Variants in CDH13 observed in about 807,000 individuals in gnomAD.
The protein encoded by CDH13 is cadherin 13, also known as cadherin-13.
A neutral mutation model predicts 63.8 loss-of-function variants in CDH13; 24 were observed. The ratio of observed to expected loss-of-function variants is 0.38; its 90% CI spans 0.27 to 0.53. CDH13 has a LOEUF of 0.53. CDH13 is among the 20% of genes least tolerant of loss of function. CDH13 has a pLI of 0.85. For synonymous variants in CDH13, 503 were observed against 355.3 expected, an observed-to-expected ratio of 1.42 and a Z score of -4.67; for missense variants, 1,049 against 903.1, an observed-to-expected ratio of 1.16 and a Z score of -2.07.
chr16:83,659,826 G>T lies in CDH13; in HGVS notation c.1102-10964G>T, dbSNP rs547865076. Reference sequence around the variant, plus strand: ...TTTTGAGATGGAGTCTCACTCTGTCGCCCAGGCTGGAGTGCAGTGGCATGA... The same window carrying T: ...TTTTGAGATGGAGTCTCACTCTGTCTCCCAGGCTGGAGTGCAGTGGCATGA... On this transcript the variant is annotated intron_variant, in intron 8 of 13. Transcript: ENST00000567109. Among the ~76,000 whole-genome samples the T allele has an allele frequency of 1.7e-4, 23 of 134,074 alleles. No individual in the cohort carries two copies. The Admixed American group carries it at 1.8e-3, about 10-fold the overall frequency. The allele number at this position is 134,074 out of a possible 152,430, so 88.0% of individuals were successfully genotyped here.
intron 10 of CDH13, among the ~76,000 whole-genome samples, chr16:83,738,801 G>A (rs1911782843): frequency 6.6e-6 from 1 of 152,150 alleles, no homozygotes; most frequent in Non-Finnish European, 1.5e-5. Context: ...AGCTACTTGG[G>A]AGCCTAAGGC....
intron 7 of CDH13, among the ~76,000 whole-genome samples, chr16:83,589,235 C>T (rs1906481012): frequency 6.9e-6 from 1 of 144,526 alleles, no homozygotes; most frequent in African/African-American, 2.6e-5. Flanking sequence ...GTCTCCCCAT[C>T]CCCCTCCCTC....
At chr16:82,659,773 G>A (rs1911718634) in intron 1 of CDH13, among the ~76,000 whole-genome samples, 2 of 152,130 alleles carry the variant, frequency 1.3e-5, no homozygotes, top group Non-Finnish European at 2.9e-5. Context: ...TCTCCACCAT[G>A]GCATGGTGGC....
intron 2 of CDH13, among the ~76,000 whole-genome samples, chr16:82,888,711 T>G (rs1287278846): frequency 6.6e-6 from 1 of 152,242 alleles, no homozygotes; most frequent in East Asian, 1.9e-4. Context: ...GATTATTTAT[T>G]GCCTTGGACA....
At chr16:83,662,767 T>G (rs977463138) in intron 8 of CDH13, among the ~76,000 whole-genome samples, 2 of 152,190 alleles carry the variant, frequency 1.3e-5, no homozygotes, top group Non-Finnish European at 2.9e-5. Context: ...TCTTCAGAGT[T>G]GTTTTCCCCA....
chr16:82,715,208 GT>G (rs1159355680), intron 1 of CDH13, among the ~76,000 whole-genome samples: 2 of 151,660 alleles, frequency 1.3e-5, no homozygotes, highest in Non-Finnish European at 2.9e-5. Flanking sequence ...CTTTCTAAAT[GT>G]CCTGAGTATC....
intron 10 of CDH13, among the ~76,000 whole-genome samples, chr16:83,684,445 C>A (rs1904283694): frequency 6.6e-6 from 1 of 152,116 alleles, no homozygotes; most frequent in Non-Finnish European, 1.5e-5. Context: ...CCTTCTCCTA[C>A]AGTGAAATGA....
At chr16:83,653,195 C>T (rs575159957) in intron 8 of CDH13, among the ~76,000 whole-genome samples, 2 of 151,916 alleles carry the variant, frequency 1.3e-5, no homozygotes, top group East Asian at 1.9e-4. Context: ...GGCTTCTGTT[C>T]GAGGTGTTAA....
chr16:83,210,921 A>C (rs767404639), intron 4 of CDH13, among the ~76,000 whole-genome samples: 10 of 151,776 alleles, frequency 6.6e-5, no homozygotes, highest in African/African-American at 2.4e-4. Flanking sequence ...AGGCCGAGGC[A>C]GGCAGATCAC....
intron 1 of CDH13, among the ~76,000 whole-genome samples, chr16:82,746,166 A>G (rs546814617): frequency 4.9e-4 from 75 of 151,630 alleles, no homozygotes; most frequent in African/African-American, 1.7e-3. Flanking sequence ...CTATATACAT[A>G]CTATATATTA....
intron 3 of CDH13, among the ~76,000 whole-genome samples, chr16:83,049,192 C>T (rs936259278): frequency 1.3e-5 from 2 of 152,032 alleles, no homozygotes; most frequent in African/African-American, 4.8e-5. Flanking sequence ...CAAAATGGTT[C>T]TGTTAACCCA....
chr16:82,752,423 A>G (rs1054199776), intron 1 of CDH13, among the ~76,000 whole-genome samples: 6 of 152,144 alleles, frequency 3.9e-5, no homozygotes, highest in East Asian at 1.9e-4. Context: ...GTCTAGAACA[A>G]TCTCCTCTGC....
rs1000711015 is a variant in CDH13, at chr16:83,136,581, A to T, written c.483+11080A>T. On this transcript the variant is annotated intron_variant, in intron 4 of 13. Coordinates refer to ENST00000567109, the MANE Select transcript of CDH13 (RefSeq NM_001257.5). ...CCAAGGATGAGAAGCATAGCTCACC[A>T]TCCCCCTCATTCCACAGGGAGGTCT... is the stretch of plus-strand genomic sequence containing the variant. Among the ~76,000 whole-genome samples the T allele has an allele frequency of 7.9e-5, 12 of 152,076 alleles. No homozygotes were observed. The East Asian group carries it at 1.9e-3, about 25-fold the overall frequency.
chr16:83,223,929 C>T (rs1416335098), intron 5 of CDH13, among the ~76,000 whole-genome samples: 3 of 152,150 alleles, frequency 2.0e-5, no homozygotes, highest in East Asian at 1.9e-4. Context: ...TTTGCTGCAC[C>T]CATCACACGA....
chr16:83,739,265 A>C (rs921180190), intron 10 of CDH13, among the ~76,000 whole-genome samples: 3 of 152,014 alleles, frequency 2.0e-5, no homozygotes, highest in Non-Finnish European at 4.4e-5. Flanking sequence ...CCCCCAAAAA[A>C]AACCCTGAAT....
chr16:82,646,136 A>G (rs1004586693), intron 1 of CDH13: 4 of 152,250 alleles, frequency 2.6e-5, no homozygotes, highest in African/African-American at 4.8e-5. Context: ...ATGTGCCATC[A>G]ACCATTTGGG....
intron 7 of CDH13, among the ~76,000 whole-genome samples, chr16:83,575,776 C>G (rs1004864578): frequency 1.3e-5 from 2 of 152,232 alleles, no homozygotes; most frequent in African/African-American, 4.8e-5. Context: ...GCTATCATTT[C>G]ACCATTAGAA....
At chr16:83,312,176 CCTT>C (rs960317735) in intron 5 of CDH13, among the ~76,000 whole-genome samples, 1 of 151,938 alleles carries the variant, frequency 6.6e-6, no homozygotes, top group East Asian at 1.9e-4. Context: ...TGCACAATCT[CCTT>C]CTCTCCCTGG....
At chr16:83,386,247 G>C (rs913127156) in intron 6 of CDH13, among the ~76,000 whole-genome samples, 1 of 152,172 alleles carries the variant, frequency 6.6e-6, no homozygotes, top group Admixed American at 6.5e-5. Flanking sequence ...AAAGATGTGT[G>C]GCCACGATCT....
Sources: allele counts gnomAD v4.1 joint callset (sites outside exome capture counted in the v4.1 genomes callset), GRCh38; gene constraint gnomAD v4.1.1; transcripts MANE v1.5; gene names NCBI Gene and HGNC (gene_info 2026-07-23, HGNC 2026-07-21).